FAM135B: variants seen among roughly 807,000 people sequenced by gnomAD.
FAM135B encodes family with sequence similarity 135 member B, also known as protein FAM135B.
A neutral mutation model predicts 127.7 loss-of-function variants in FAM135B; 43 were observed. The ratio of observed to expected loss-of-function variants is 0.34; its 90% CI spans 0.26 to 0.43. FAM135B has a LOEUF of 0.43. Among genes scored for constraint, FAM135B ranks in the 20% least tolerant of loss-of-function variants. FAM135B has a pLI of 1.00. For missense variants in FAM135B, 1,558 were observed against 1,725.6 expected, an observed-to-expected ratio of 0.90 and a Z score of 1.72; for synonymous variants, 670 against 665.1, an observed-to-expected ratio of 1.01 and a Z score of -0.11.
At chr8:138,435,679 A>G (rs1185360786) in intron 1 of FAM135B, among the ~76,000 whole-genome samples, 2 of 152,184 alleles carry the variant, frequency 1.3e-5, no homozygotes, top group East Asian at 3.9e-4. Context: ...TCTAAAATTT[A>G]GGTCTACAAT....
At chr8:138,219,282 G>A (rs1422762700) in intron 7 of FAM135B, among the ~76,000 whole-genome samples, 1 of 152,078 alleles carries the variant, frequency 6.6e-6, no homozygotes, top group Non-Finnish European at 1.5e-5. Flanking sequence ...TATTTTTCAG[G>A]GAGAAAAGAA....
intron 2 of FAM135B, among the ~76,000 whole-genome samples, chr8:138,324,021 T>G (rs966086299): frequency 1.3e-5 from 2 of 152,226 alleles, no homozygotes; most frequent in African/African-American, 2.4e-5. Flanking sequence ...AAGCACTTCT[T>G]TCTTAATTCT....
At chr8:138,217,311 T>C (rs777693847) in intron 7 of FAM135B, among the ~76,000 whole-genome samples, 18 of 152,224 alleles carry the variant, frequency 1.2e-4, no homozygotes, top group Admixed American at 5.2e-4. Flanking sequence ...AAAAAGTTCT[T>C]AGCTTAAGAG....
At position 138,484,870 on chromosome 8, in the gene FAM135B, C is replaced by T. The variant is rs528777588; in HGVS notation, c.-20+11801G>A. ...AAAATACCAAGCTTGATGAATTCTA[C>T]CTTGGGCACAAGAGTCCATGGATAA... On this transcript the variant is annotated intron_variant, in intron 1 of 19. Coordinates refer to ENST00000395297, the MANE Select transcript of FAM135B (RefSeq NM_015912.4). Among the ~76,000 whole-genome samples, 23 of 152,288 alleles carry T rather than the reference C, an allele frequency of 1.5e-4. 2 individuals are homozygous for T. In the South Asian group the frequency reaches 4.8e-3, roughly 32 times the overall value.
At chr8:138,412,643 A>G (rs1833928131) in intron 1 of FAM135B, among the ~76,000 whole-genome samples, 1 of 152,112 alleles carries the variant, frequency 6.6e-6, no homozygotes, top group Admixed American at 6.5e-5. Context: ...ACGCATGTCT[A>G]TTTTGCAGAT....
At chr8:138,282,662 G>A (rs1586960358) in intron 3 of FAM135B, among the ~76,000 whole-genome samples, 1 of 152,132 alleles carries the variant, frequency 6.6e-6, no homozygotes, top group Admixed American at 6.6e-5. Flanking sequence ...GCTAAAATTC[G>A]AAACTCTGAT....
intron 1 of FAM135B, among the ~76,000 whole-genome samples, chr8:138,491,704 A>G (rs1815207406): frequency 6.6e-6 from 1 of 152,214 alleles, no homozygotes; most frequent in Admixed American, 6.5e-5. Flanking sequence ...TGAACTACGT[A>G]ATATATTGAT....
chr8:138,285,331 G>C (rs947348691), intron 3 of FAM135B, among the ~76,000 whole-genome samples: 1 of 151,852 alleles, frequency 6.6e-6, no homozygotes, highest in African/African-American at 2.4e-5. Context: ...ATTTTCAGTA[G>C]AGACAGGGTT....
At chr8:138,447,321 T>C (rs1836232435) in intron 1 of FAM135B, among the ~76,000 whole-genome samples, 1 of 151,982 alleles carries the variant, frequency 6.6e-6, no homozygotes, top group Non-Finnish European at 1.5e-5. Flanking sequence ...ACCCAAAGGA[T>C]TATAAATCAT....
At chr8:138,354,435 C>T (rs772105128) in intron 2 of FAM135B, among the ~76,000 whole-genome samples, 18 of 152,178 alleles carry the variant, frequency 1.2e-4, no homozygotes, top group Non-Finnish European at 1.8e-4. Flanking sequence ...CTGAGACCCC[C>T]TTCCAGTCTT....
rs1816077260 is a variant in FAM135B at position 138,130,120 on chromosome 8, A to G, written c.*2473T>C. 1 of 151,976 alleles carries G rather than the reference A, an allele frequency of 6.6e-6. No individual in the cohort carries two copies. The highest frequency in any genetic ancestry group is 1.5e-5 in the Non-Finnish European group (1 of 68,016). The allele number at this position is 151,976 out of a possible 1,614,324, so 9.4% of individuals were successfully genotyped here. ...AATTACGCAGAGAATGAAGACATACAAGACCATTATCTTGGCAGGCATTTT... is the reference window on the plus strand; with the variant it reads ...AATTACGCAGAGAATGAAGACATACGAGACCATTATCTTGGCAGGCATTTT... On this transcript the variant is annotated 3_prime_UTR_variant, in exon 20 of 20. Coordinates refer to ENST00000395297, the MANE Select transcript of FAM135B (RefSeq NM_015912.4).
intron 1 of FAM135B, among the ~76,000 whole-genome samples, chr8:138,392,183 GC>G (rs2131330841): frequency 6.6e-6 from 1 of 152,332 alleles, no homozygotes; most frequent in East Asian, 1.9e-4. Context: ...CTTTGAAACT[GC>G]CTTTGCAAAC....
intron 9 of FAM135B, among the ~76,000 whole-genome samples, chr8:138,184,716 CA>C (rs745378222): frequency 4.6e-5 from 7 of 152,278 alleles, no homozygotes; most frequent in Non-Finnish European, 5.9e-5. Context: ...GACCAGGAGA[CA>C]GCTATGTGCC....
rs532870670 is a variant in FAM135B at position 138,163,166 on chromosome 8, C to T, written c.1258+4729G>A. Among the ~76,000 whole-genome samples, 348 of 152,238 alleles carry T rather than the reference C, an allele frequency of 2.3e-3. 1 individual carries two copies. The highest frequency in any genetic ancestry group is 8.0e-3 in the African/African-American group (334 of 41,538). ...TTAAGTGTTTTATGGACTGATCAAT[C>T]CACTAGTCACAGCAATCCCCTGGAG... On this transcript the variant is annotated intron_variant, in intron 12 of 19. Coordinates refer to ENST00000395297, the MANE Select transcript of FAM135B (RefSeq NM_015912.4).
chr8:138,410,536 C>T (rs2131402826), intron 1 of FAM135B, among the ~76,000 whole-genome samples: 1 of 152,304 alleles, frequency 6.6e-6, no homozygotes, highest in South Asian at 2.1e-4. Flanking sequence ...GGACAAAATG[C>T]TCAACATCGC....
At position 138,162,700 on chromosome 8, in the gene FAM135B, G is replaced by A. The variant is rs1249913049; in HGVS notation, c.1258+5195C>T. ...GCTTCTTCAGAAAAGGTGGGAATGA[G>A]CCACACTAAGCACAGGGAGCAGCAT... On this transcript the variant is annotated intron_variant, in intron 12 of 19. Transcript: ENST00000395297. Among the ~76,000 whole-genome samples the A allele has an allele frequency of 2.0e-5, 3 of 152,226 alleles. No homozygotes were observed. In the East Asian group the frequency reaches 5.8e-4, roughly 29 times the overall value.
At chr8:138,178,104 C>G (rs975107293) in intron 10 of FAM135B, among the ~76,000 whole-genome samples, 2 of 151,862 alleles carry the variant, frequency 1.3e-5, no homozygotes, top group African/African-American at 2.4e-5. Context: ...AAAAATTAGT[C>G]GGGTGTGGTG....
chr8:138,137,126 C>CA lies in FAM135B; in HGVS notation c.4015+20dup, dbSNP rs1159028110. The stretch of plus-strand genomic sequence containing the variant: ...CTTTTCAAATTAGAAAGTCCCTGAG[C>CA]AAAAATTAAATGTAGCTTACCTGTG... On this transcript the variant is annotated intron_variant, in intron 19 of 19. Coordinates refer to ENST00000395297, the MANE Select transcript of FAM135B (RefSeq NM_015912.4). 52 of 1,274,820 alleles carry CA rather than the reference C, an allele frequency of 4.1e-5. No individual in the cohort carries two copies. In the East Asian group the frequency reaches 1.2e-3, roughly 29 times the overall value. 79.0% of individuals were successfully genotyped at this position (1,274,820 alleles called of 1,614,324 possible). A position where few individuals can be genotyped will look rare whatever the true frequency, so the allele number is the denominator to read the frequency against.
At chr8:138,138,014 G>A (rs1413155976) in intron 18 of FAM135B, among the ~76,000 whole-genome samples, 3 of 152,138 alleles carry the variant, frequency 2.0e-5, no homozygotes, top group Admixed American at 2.0e-4. Flanking sequence ...ATCACACATT[G>A]GGGGCAGCCT....
Sources: gnomAD v4.1 joint callset for allele counts (sites outside exome capture counted in the v4.1 genomes callset) on GRCh38, gnomAD v4.1.1 for gene constraint, MANE v1.5 for transcripts, NCBI Gene and HGNC (gene_info 2026-07-23, HGNC 2026-07-21) for gene names.